SLC39A12: variants seen among roughly 807,000 people sequenced by gnomAD.
SLC39A12 encodes the protein zinc transporter ZIP12.
In SLC39A12, 63 loss-of-function variants were observed where a neutral mutation model predicts 71.1. That is an observed-to-expected ratio of 0.89 (90% confidence interval 0.72 to 1.09). The LOEUF (loss-of-function observed/expected upper bound fraction) is 1.09, where lower values mean the gene tolerates loss of function less well. Among genes scored for constraint, SLC39A12 ranks in the 50% least tolerant of loss-of-function variants. The pLI, the probability that SLC39A12 is intolerant of heterozygous loss-of-function variation, is 0.00. For missense variants in SLC39A12, 892 were observed against 812.6 expected, an observed-to-expected ratio of 1.10 and a Z score of -1.19; for synonymous variants, 351 against 301.3, an observed-to-expected ratio of 1.16 and a Z score of -1.71.
chr10:18,022,186 A>C (rs1296958914), intron 12 of SLC39A12, among the ~76,000 whole-genome samples: 1 of 152,206 alleles, frequency 6.6e-6, no homozygotes. Flanking sequence ...AAGGTTGAAG[A>C]AATTTTGAAG....
chr10:17,989,348 C>G (rs1268771931), intron 7 of SLC39A12, among the ~76,000 whole-genome samples: 1 of 152,212 alleles, frequency 6.6e-6, no homozygotes, highest in Non-Finnish European at 1.5e-5. Flanking sequence ...TTTAATTGCC[C>G]TCATAATCTA....
intron 12 of SLC39A12, among the ~76,000 whole-genome samples, chr10:18,029,813 A>T (rs998345772): frequency 6.6e-6 from 1 of 151,412 alleles, no homozygotes; most frequent in African/African-American, 2.4e-5. Flanking sequence ...TTTCTAACAA[A>T]AAAATAAAAT....
At chr10:18,038,689 A>G (rs1564666958) in intron 12 of SLC39A12, among the ~76,000 whole-genome samples, 1 of 151,934 alleles carries the variant, frequency 6.6e-6, no homozygotes, top group Non-Finnish European at 1.5e-5. Flanking sequence ...AAATAAAAAT[A>G]ACTGGGACAT....
chr10:18,014,871 A>G (rs1836332105), intron 12 of SLC39A12, among the ~76,000 whole-genome samples: 1 of 152,188 alleles, frequency 6.6e-6, no homozygotes, highest in Admixed American at 6.6e-5. Flanking sequence ...GAGTGTCATA[A>G]TGATCACAGC....
At chr10:17,983,014 C>T (rs891920599) in intron 6 of SLC39A12, among the ~76,000 whole-genome samples, 1 of 151,250 alleles carries the variant, frequency 6.6e-6, no homozygotes, top group Non-Finnish European at 1.5e-5. Context: ...CGCAGTGAAA[C>T]CCCGTCTCTA....
Position 17,993,295 on chromosome 10 carries a change from G to A in SLC39A12, c.1533+4G>A, listed in dbSNP as rs1258635503. The A allele has an allele frequency of 1.3e-6, 2 of 1,538,512 alleles. No homozygotes were observed. Among genetic ancestry groups the A allele is most frequent in the Non-Finnish European group, 1.8e-6 (2 of 1,134,922 alleles). On this transcript the variant is annotated splice_donor_region_variant and intron_variant, in intron 9 of 12. Transcript: ENST00000377369. The stretch of plus-strand genomic sequence containing the variant: ...ATCTGCTTCAACTATCCAGTTGGTA[G>A]GTTCCTGATCTGAAGCATTCTACTG...
chr10:17,990,813 A>G (rs1033451677), intron 7 of SLC39A12, among the ~76,000 whole-genome samples: 3 of 152,238 alleles, frequency 2.0e-5, no homozygotes, highest in Non-Finnish European at 2.9e-5. Flanking sequence ...TGGACTCCTG[A>G]AAAACAATTT....
At chr10:18,036,864 G>A (rs1384383409) in intron 12 of SLC39A12, among the ~76,000 whole-genome samples, 1 of 144,120 alleles carries the variant, frequency 6.9e-6, no homozygotes, top group Admixed American at 7.3e-5. Flanking sequence ...TCGACTCACT[G>A]CAACCTCCGC....
rs1837309369 is a variant in SLC39A12 at position 18,043,256 on chromosome 10, A to G, written c.*423A>G. The G allele has an allele frequency of 6.5e-6, 1 of 153,268 alleles. No individual in the cohort carries two copies. Among genetic ancestry groups the G allele is most frequent in the Non-Finnish European group, 1.5e-5 (1 of 68,516 alleles). 9.5% of individuals were successfully genotyped at this position (153,268 alleles called of 1,614,324 possible). A position where few individuals can be genotyped will look rare whatever the true frequency, so the allele number is the denominator to read the frequency against. The stretch of plus-strand genomic sequence containing the variant: ...TTATAAACTATAAGCAAGTTAAGTG[A>G]CAAGCAAATGTAATAAAGACTAGTT... On this transcript the variant is annotated 3_prime_UTR_variant, in exon 13 of 13. Coordinates refer to ENST00000377369, the MANE Select transcript of SLC39A12 (RefSeq NM_001145195.2).
chr10:18,030,790 C>G, intron 12 of SLC39A12, among the ~76,000 whole-genome samples: 1 of 111,740 alleles, frequency 8.9e-6, no homozygotes, highest in African/African-American at 3.3e-5. Context: ...ATCCCTCCCC[C>G]TCCCCCCTCC....
chr10:18,023,543 A>G (rs1836592633), intron 12 of SLC39A12, among the ~76,000 whole-genome samples: 1 of 151,752 alleles, frequency 6.6e-6, no homozygotes, highest in South Asian at 2.1e-4. Flanking sequence ...GCCACTGCCA[A>G]TGGGAATGTT....
rs1248832142 is a variant in SLC39A12 at position 17,956,967 on chromosome 10, C to T, written c.261+3430C>T. On this transcript the variant is annotated intron_variant, in intron 2 of 12. Coordinates refer to ENST00000377369, the MANE Select transcript of SLC39A12 (RefSeq NM_001145195.2). ...CTTTGTCAGGAAAAAAACACATACACGTTCTCTCTTATATTTACAATCAAT... is the reference window on the plus strand; with the variant it reads ...CTTTGTCAGGAAAAAAACACATACATGTTCTCTCTTATATTTACAATCAAT... Among the ~76,000 whole-genome samples the T allele has an allele frequency of 3.3e-5, 5 of 152,092 alleles. No homozygotes were observed. The East Asian group carries it at 9.6e-4, about 29-fold the overall frequency.
chr10:17,962,775 A>G (rs1834725219), intron 3 of SLC39A12, among the ~76,000 whole-genome samples: 1 of 152,188 alleles, frequency 6.6e-6, no homozygotes, highest in Non-Finnish European at 1.5e-5. Flanking sequence ...CTGTTTGCTA[A>G]GGACTTTGTG....
intron 9 of SLC39A12, among the ~76,000 whole-genome samples, chr10:17,994,963 G>GA (rs1835647491): frequency 2.0e-5 from 3 of 151,762 alleles, no homozygotes; most frequent in East Asian, 1.9e-4. Flanking sequence ...GCGCCAAGAC[G>GA]GAAAATATAT....
intron 12 of SLC39A12, among the ~76,000 whole-genome samples, chr10:18,035,037 C>T (rs1301578805): frequency 1.4e-5 from 2 of 147,070 alleles, no homozygotes; most frequent in East Asian, 2.0e-4. Context: ...TGATGGGCTT[C>T]CCTTTGAGGG....
At chr10:18,030,613 TTTA>T (rs1836816667) in intron 12 of SLC39A12, among the ~76,000 whole-genome samples, 1 of 116,106 alleles carries the variant, frequency 8.6e-6, no homozygotes, top group African/African-American at 2.9e-5. Flanking sequence ...TTTTATTTTA[TTTA>T]TTTATGTATT....
rs1453405421 is a variant in SLC39A12, at chr10:18,003,287, G to A, written c.1876G>A (p.Asp626Asn). 6.2e-7 allele frequency: 1 copy of A among 1,614,086 alleles called. No individual in the cohort carries two copies. The highest frequency in any genetic ancestry group is 1.1e-5 in the South Asian group (1 of 91,078). The change falls in exon 12 of 13, where the codon GAT becomes AAT. Residue 626 changes from aspartate to asparagine, a missense_variant. By Grantham distance (23) the Asp-to-Asn change is conservative. Coordinates refer to ENST00000377369, the MANE Select transcript of SLC39A12 (RefSeq NM_001145195.2). ...ATACATTGGCCTTTCCGTGTCAGCT[G>A]ATCCATGTGTTCAAGACTGGATCTT... ...GLYIGLSVSADPCVQDWIFTV... is the reference protein window; with the variant it reads ...GLYIGLSVSANPCVQDWIFTV...
intron 4 of SLC39A12, among the ~76,000 whole-genome samples, chr10:17,969,826 C>T (rs962500609): frequency 4.6e-5 from 7 of 152,252 alleles, no homozygotes; most frequent in South Asian, 2.1e-4. Context: ...TGATTGCCTA[C>T]GCCTGTGGAG....
At chr10:17,977,823 A>C in intron 4 of SLC39A12, 79 bp from the exon 5 acceptor site, 1 of 1,058,212 alleles carries the variant, frequency 9.4e-7, no homozygotes, top group South Asian at 2.6e-5. Context: ...GGGAATATCT[A>C]TGCTGTAGCT....
Sources: gnomAD v4.1 joint callset for allele counts (sites outside exome capture counted in the v4.1 genomes callset) on GRCh38, gnomAD v4.1.1 for gene constraint, MANE v1.5 for transcripts, NCBI Gene and HGNC (gene_info 2026-07-23, HGNC 2026-07-21) for gene names.